The following MAP3K15 variants were observed in gnomAD, a reference collection of about 807,000 sequenced individuals.
MAP3K15 encodes MAPK/ERK kinase kinase 15.
In MAP3K15, 124 loss-of-function variants were observed where a neutral mutation model predicts 99.5. That is an observed-to-expected ratio of 1.25 (90% CI 1.08 to 1.45). The LOEUF (loss-of-function observed/expected upper bound fraction) is 1.45, where lower values mean the gene tolerates loss of function less well. Among genes scored for constraint, MAP3K15 ranks in the 40% most tolerant of loss-of-function variants. The pLI, the probability that MAP3K15 is intolerant of heterozygous loss-of-function variation, is 0.00. For synonymous variants in MAP3K15, 494 were observed against 439.6 expected (o/e 1.12, Z -1.55); for missense variants, 1,242 against 1,079.7 (o/e 1.15, Z -2.11).
chrX:19,486,981 G>C (rs1038637745), intron 2 of MAP3K15, among the ~76,000 whole-genome samples: 1 of 110,871 alleles, frequency 9.0e-6, no homozygotes, highest in African/African-American at 3.3e-5. Flanking sequence ...CCTTCCTACA[G>C]AAGGGGTGTT....
intron 17 of MAP3K15, 21 bp from the exon 18 acceptor site, chrX:19,392,128 A>G: frequency 8.8e-7 from 1 of 1,141,163 alleles, no homozygotes; most frequent in Non-Finnish European, 1.2e-6. Flanking sequence ...TAACATCATC[A>G]AGTGCTTAAA....
intron 6 of MAP3K15, among the ~76,000 whole-genome samples, chrX:19,455,263 G>A (rs1478413814): frequency 9.1e-6 from 1 of 110,456 alleles, no homozygotes; most frequent in African/African-American, 3.3e-5. Context: ...TTCCAAACGG[G>A]AAACGTATTC....
intron 9 of MAP3K15, among the ~76,000 whole-genome samples, chrX:19,416,667 G>A (rs184335266): frequency 1.4e-4 from 16 of 112,303 alleles, no homozygotes; most frequent in South Asian, 7.4e-4. Flanking sequence ...CCTAAAAATC[G>A]TAGGAGAAAC....
At chrX:19,373,950 G>C (rs2063399594) in intron 20 of MAP3K15, among the ~76,000 whole-genome samples, 1 of 111,617 alleles carries the variant, frequency 9.0e-6, no homozygotes, top group Non-Finnish European at 1.9e-5. Context: ...AGGGAAAAGA[G>C]GACAAACTGC....
At chrX:19,451,909 A>G (rs142546479) in intron 6 of MAP3K15, among the ~76,000 whole-genome samples, 1,384 of 107,994 alleles carry the variant, frequency 0.013, 24 homozygotes, top group African/African-American at 0.044. Context: ...ACCAAAAAAC[A>G]TTCGCCAGGT....
chrX:19,384,748 G>GAAAA lies in MAP3K15; in HGVS notation c.2432-4472_2432-4471insTTTT, dbSNP rs1569205907. Among the ~76,000 whole-genome samples, 9 of 56,465 alleles carry GAAAA rather than the reference G, an allele frequency of 1.6e-4. 1 individual carries two copies. Among genetic ancestry groups the GAAAA allele is most frequent in the Admixed American group, 6.8e-4 (3 of 4,412 alleles). 49.0% of individuals were successfully genotyped at this position (56,465 alleles called of 115,157 possible). Reference sequence around the variant, plus strand: ...GATGGGAGTGAGACCTTGTCTCAGGGGAAAAAAAAAAAAAAAAAAAAAAAA... The same window carrying GAAAA: ...GATGGGAGTGAGACCTTGTCTCAGGGAAAAGAAAAAAAAAAAAAAAAAAAAAAAA... On this transcript the variant is annotated intron_variant, in intron 18 of 28. Transcript: ENST00000338883.
At chrX:19,438,966 G>A (rs1356145685) in intron 6 of MAP3K15, among the ~76,000 whole-genome samples, 1 of 112,245 alleles carries the variant, frequency 8.9e-6, no homozygotes. Context: ...GGGAGGCCGA[G>A]ACGGGCAGAT....
Position 19,413,366 on chromosome X carries a change from G to A in MAP3K15, c.1689C>T (p.Pro563=). 2.5e-6 allele frequency: 3 copies of A among 1,193,648 alleles called. No individual in the cohort carries two copies. Among genetic ancestry groups the A allele is most frequent in the East Asian group, 6.0e-5 (2 of 33,551 alleles). ...GATTTTTCCTCCTTACCATTTCTGT[G>A]GGTGAGACATGCCATAAAGAAACTG... is the stretch of plus-strand genomic sequence containing the variant. ...ERTVSLWHVS[P]TEMKQMHEWN... The change falls in exon 11 of 29, where the codon CCC becomes CCT. Residue 563 remains proline, a synonymous_variant. Transcript: ENST00000338883.
chrX:19,373,002 C>A (rs2063387521), intron 21 of MAP3K15, 175 bp from the exon 22 acceptor site: 3 of 350,919 alleles, frequency 8.5e-6, no homozygotes, highest in Non-Finnish European at 1.4e-5. Flanking sequence ...TCAACCCCCA[C>A]AGCAGGAGGG....
At chrX:19,418,202 G>C (rs1230533903) in intron 9 of MAP3K15, among the ~76,000 whole-genome samples, 1 of 112,027 alleles carries the variant, frequency 8.9e-6, no homozygotes, top group African/African-American at 3.2e-5. Context: ...GAATGACTTT[G>C]ACGAGTTAAG....
intron 9 of MAP3K15, among the ~76,000 whole-genome samples, chrX:19,425,236 G>A (rs1432061650): frequency 9.0e-6 from 1 of 111,420 alleles, no homozygotes; most frequent in East Asian, 2.8e-4. Flanking sequence ...TCTCACAAAT[G>A]CATAATACAT....
At chrX:19,415,759 A>G (rs1344539673) in intron 9 of MAP3K15, among the ~76,000 whole-genome samples, 1 of 111,742 alleles carries the variant, frequency 8.9e-6, no homozygotes, top group Non-Finnish European at 1.9e-5. Context: ...CCATGAACAC[A>G]TAAAATATAT....
Position 19,395,209 on chromosome X carries a change from C to G in MAP3K15, c.2067-1G>C, listed in dbSNP as rs759916411. Reference sequence around the variant, plus strand: ...CTCCTCGTGCAGAGGCTGAGAATACCTATTGGGAAAAACAGAGCCAGGGTC... The same window carrying G: ...CTCCTCGTGCAGAGGCTGAGAATACGTATTGGGAAAAACAGAGCCAGGGTC... On this transcript the variant is annotated splice_acceptor_variant, in intron 15 of 28. Coordinates refer to ENST00000338883, the MANE Select transcript of MAP3K15 (RefSeq NM_001001671.4). LOFTEE classifies it high-confidence loss of function. 1.1e-5 allele frequency: 13 copies of G among 1,202,371 alleles called. No individual in the cohort carries two copies. The highest frequency in any genetic ancestry group is 1.2e-5 in the Non-Finnish European group (11 of 890,781).
intron 9 of MAP3K15, among the ~76,000 whole-genome samples, chrX:19,424,044 G>A (rs1368962179): frequency 4.5e-5 from 5 of 110,840 alleles, no homozygotes; most frequent in African/African-American, 1.6e-4. Context: ...ACAACTGGAA[G>A]CTTGCACGTG....
At chrX:19,434,075 T>G (rs1233063352) in intron 6 of MAP3K15, among the ~76,000 whole-genome samples, 1 of 112,317 alleles carries the variant, frequency 8.9e-6, no homozygotes, top group Non-Finnish European at 1.9e-5. Flanking sequence ...ATTCACATGT[T>G]AATGTACATA....
intron 12 of MAP3K15, among the ~76,000 whole-genome samples, chrX:19,409,023 G>GCAC (rs2063667657): frequency 8.9e-6 from 1 of 111,928 alleles, no homozygotes; most frequent in African/African-American, 3.2e-5. Context: ...TGTATGCTTT[G>GCAC]CTGAGTGTAT....
intron 25 of MAP3K15, among the ~76,000 whole-genome samples, chrX:19,366,978 T>C (rs769708880): frequency 1.8e-5 from 2 of 111,820 alleles, no homozygotes; most frequent in African/African-American, 6.5e-5. Context: ...CCCAGCAACC[T>C]CATTACTGGG....
chrX:19,445,876 G>A (rs1384363364), intron 6 of MAP3K15, among the ~76,000 whole-genome samples: 2 of 109,820 alleles, frequency 1.8e-5, no homozygotes, highest in Non-Finnish European at 3.8e-5. Context: ...GAACCCGGGA[G>A]GCAGAGATTG....
At chrX:19,369,781 G>A (rs908247922) in intron 24 of MAP3K15, among the ~76,000 whole-genome samples, 3 of 110,632 alleles carry the variant, frequency 2.7e-5, no homozygotes, top group Non-Finnish European at 3.8e-5. Flanking sequence ...GTGGTGGCGC[G>A]CACCTGTAGC....
Sources: gnomAD v4.1 joint callset for allele counts (sites outside exome capture counted in the v4.1 genomes callset) on GRCh38, gnomAD v4.1.1 for gene constraint, MANE v1.5 for transcripts, NCBI Gene and HGNC (gene_info 2026-07-23, HGNC 2026-07-21) for gene names.